The following EPHA6 variants were observed in gnomAD, a reference collection of about 807,000 sequenced individuals.
EPHA6 encodes the protein ephrin type-A receptor 6.
Under a neutral mutation model 112.0 loss-of-function variants are expected in EPHA6, and 50 were observed. That is an observed-to-expected ratio of 0.45 (90% CI 0.36 to 0.56). The LOEUF is 0.56. Ranked by LOEUF, EPHA6 falls within the 20% of genes least tolerant of loss-of-function variation. The pLI is 0.00. For synonymous variants in EPHA6, 529 were observed against 490.7 expected (o/e 1.08, Z -1.03); for missense variants, 1,280 against 1,417.4 (o/e 0.90, Z 1.56).
At chr3:97,686,326 C>T (rs773942276) in intron 14 of EPHA6, among the ~76,000 whole-genome samples, 5 of 152,090 alleles carry the variant, frequency 3.3e-5, no homozygotes, top group Non-Finnish European at 7.4e-5. Context: ...CCTTCTCTCC[C>T]TCTTCCCATA....
chr3:97,376,013 C>T (rs190443738), intron 5 of EPHA6, among the ~76,000 whole-genome samples: 38 of 152,142 alleles, frequency 2.5e-4, no homozygotes, highest in Non-Finnish European at 4.6e-4. Flanking sequence ...CAGATGAAAA[C>T]CTTTATGAAA....
chr3:97,633,030 A>G (rs1041188870), intron 13 of EPHA6, among the ~76,000 whole-genome samples: 1 of 152,072 alleles, frequency 6.6e-6, no homozygotes, highest in Non-Finnish European at 1.5e-5. Flanking sequence ...GTGTATGTAG[A>G]TACAGTCCAT....
intron 3 of EPHA6, among the ~76,000 whole-genome samples, chr3:97,115,854 T>C (rs1002710538): frequency 1.6e-4 from 25 of 151,812 alleles, no homozygotes; most frequent in African/African-American, 5.6e-4. Context: ...ATATGATACG[T>C]TATTGAACCA....
chr3:97,659,215 C>G (rs1183355665), intron 14 of EPHA6, among the ~76,000 whole-genome samples: 4 of 151,380 alleles, frequency 2.6e-5, no homozygotes, highest in Non-Finnish European at 5.9e-5. Flanking sequence ...AACAAAATCC[C>G]AGTAAAAAGA....
chr3:96,945,145 C>A (rs2041186249), intron 2 of EPHA6, among the ~76,000 whole-genome samples: 1 of 152,064 alleles, frequency 6.6e-6, no homozygotes, highest in Non-Finnish European at 1.5e-5. Context: ...AAAAATATAT[C>A]CAGAATTTGA....
chr3:97,655,480 G>C (rs1451283354), intron 14 of EPHA6, among the ~76,000 whole-genome samples: 3 of 151,904 alleles, frequency 2.0e-5, no homozygotes, highest in African/African-American at 7.2e-5. Context: ...TGGGTGCATA[G>C]TATTCCATGG....
chr3:97,724,680 T>C (rs913949365), intron 15 of EPHA6, among the ~76,000 whole-genome samples: 4 of 151,956 alleles, frequency 2.6e-5, no homozygotes, highest in African/African-American at 7.3e-5. Flanking sequence ...AGCCCAAGAG[T>C]TCCAGGTGAC....
At chr3:97,209,948 C>T (rs1274752291) in intron 3 of EPHA6, among the ~76,000 whole-genome samples, 1 of 152,084 alleles carries the variant, frequency 6.6e-6, no homozygotes, top group East Asian at 1.9e-4. Flanking sequence ...GAGGTGACCA[C>T]ATAAAACATT....
intron 1 of EPHA6, among the ~76,000 whole-genome samples, chr3:96,841,064 A>T: frequency 6.6e-6 from 1 of 152,040 alleles, no homozygotes; most frequent in East Asian, 1.9e-4. Flanking sequence ...TGGTAGGCGA[A>T]CGTTTGGTTT....
intron 3 of EPHA6, among the ~76,000 whole-genome samples, chr3:97,089,327 TCA>T (rs2046995173): frequency 6.6e-6 from 1 of 152,130 alleles, no homozygotes; most frequent in South Asian, 2.1e-4. Context: ...CATGACCTTT[TCA>T]CAGTTTGCTT....
intron 3 of EPHA6, among the ~76,000 whole-genome samples, chr3:97,062,912 G>A (rs1370274596): frequency 6.6e-6 from 1 of 151,924 alleles, no homozygotes; most frequent in Admixed American, 6.6e-5. Context: ...CTTCTCAAAA[G>A]GAGATATACA....
intron 3 of EPHA6, among the ~76,000 whole-genome samples, chr3:97,079,918 A>G (rs778261944): frequency 1.3e-5 from 2 of 150,888 alleles, no homozygotes; most frequent in Non-Finnish European, 3.0e-5. Context: ...TTTTTTTGCA[A>G]TGTTTTAAAA....
intron 1 of EPHA6, among the ~76,000 whole-genome samples, chr3:96,841,762 T>C (rs114119633): frequency 0.012 from 1,850 of 152,268 alleles, 34 homozygotes; most frequent in African/African-American, 0.043. Context: ...TTTTTATGTA[T>C]TTAACAAAAG....
At chr3:97,088,049 C>T (rs895720775) in intron 3 of EPHA6, among the ~76,000 whole-genome samples, 12 of 151,876 alleles carry the variant, frequency 7.9e-5, no homozygotes, top group Non-Finnish European at 1.5e-4. Context: ...GGGGTGGTGG[C>T]GTGCACCTAT....
intron 10 of EPHA6, among the ~76,000 whole-genome samples, chr3:97,494,392 T>G (rs914795011): frequency 2.6e-5 from 4 of 152,208 alleles, no homozygotes; most frequent in Non-Finnish European, 1.5e-5. Context: ...TCCCTAAAAT[T>G]TGGAGTCATT....
chr3:97,069,980 GTCTTGC>G (rs1311301694), intron 3 of EPHA6, among the ~76,000 whole-genome samples: 1 of 152,068 alleles, frequency 6.6e-6, no homozygotes, highest in Non-Finnish European at 1.5e-5. Context: ...AAGCTGTGTG[GTCTTGC>G]TCTTCTGTTT....
intron 5 of EPHA6, among the ~76,000 whole-genome samples, chr3:97,352,161 AT>A (rs917884760): frequency 3.3e-5 from 5 of 150,744 alleles, no homozygotes; most frequent in African/African-American, 7.3e-5. Context: ...ACAAAAGGAT[AT>A]TTTTTTTTAA....
chr3:97,742,111 A>G (rs886966017), intron 16 of EPHA6, among the ~76,000 whole-genome samples: 5 of 152,108 alleles, frequency 3.3e-5, no homozygotes. Context: ...TGTAGATTGA[A>G]TTTTTCTGGT....
chr3:96,871,639 T>G (rs887027906), intron 2 of EPHA6, among the ~76,000 whole-genome samples: 4 of 152,044 alleles, frequency 2.6e-5, no homozygotes, highest in Middle Eastern at 3.2e-3. Context: ...TTATTTAATC[T>G]TTCACCGCAC....
Sources: gnomAD v4.1 joint callset for allele counts (sites outside exome capture counted in the v4.1 genomes callset) on GRCh38, gnomAD v4.1.1 for gene constraint, MANE v1.5 for transcripts, NCBI Gene and HGNC (gene_info 2026-07-23, HGNC 2026-07-21) for gene names.